WASHC3: variants seen among roughly 807,000 people sequenced by gnomAD.
WASHC3 encodes the protein WASH complex subunit 3, also known as WASH complex subunit CCDC53.
In WASHC3, 24 loss-of-function variants were observed where a neutral mutation model predicts 26.1. The observed-to-expected ratio is 0.92, with a 90% CI of 0.66 to 1.29. The LOEUF (loss-of-function observed/expected upper bound fraction) is 1.29. WASHC3 is among the 50% of genes most tolerant of loss of function. The pLI, the probability that WASHC3 is intolerant of heterozygous loss-of-function variation, is 0.00. For missense variants in WASHC3, 214 were observed against 229.6 expected (o/e 0.93, Z 0.44); for synonymous variants, 77 against 75.7 (o/e 1.02, Z -0.09).
At chr12:102,024,188 G>A (rs1463034324) in intron 6 of WASHC3, among the ~76,000 whole-genome samples, 1 of 152,220 alleles carries the variant, frequency 6.6e-6, no homozygotes, top group Non-Finnish European at 1.5e-5. Context: ...AAGCTAGTGA[G>A]AGAATCTGAA....
At chr12:102,014,824 T>C (rs549848912) in intron 6 of WASHC3, among the ~76,000 whole-genome samples, 103 of 152,328 alleles carry the variant, frequency 6.8e-4, no homozygotes, top group Admixed American at 6.6e-3. Context: ...GTATGAATAC[T>C]AGGCACATTT....
intron 2 of WASHC3, among the ~76,000 whole-genome samples, chr12:102,052,208 G>T (rs1311360424): frequency 6.6e-6 from 1 of 152,176 alleles, no homozygotes; most frequent in Non-Finnish European, 1.5e-5. Context: ...CAGTTTTACA[G>T]AACTCATGTC....
At chr12:102,014,229 C>T (rs1032260880) in intron 6 of WASHC3, among the ~76,000 whole-genome samples, 3 of 151,940 alleles carry the variant, frequency 2.0e-5, no homozygotes, top group South Asian at 2.1e-4. Context: ...TGTGCCACCA[C>T]GCCCAGCTAA....
intron 2 of WASHC3, among the ~76,000 whole-genome samples, chr12:102,057,610 T>C (rs530266833): frequency 2.6e-5 from 4 of 152,026 alleles, no homozygotes; most frequent in Admixed American, 2.0e-4. Context: ...TCAGTAGCAT[T>C]TCTATACACT....
At chr12:102,050,624 T>C in intron 2 of WASHC3, 1 of 451,614 alleles carries the variant, frequency 2.2e-6, no homozygotes, top group Non-Finnish European at 4.4e-6. Flanking sequence ...GCCTCGGTGA[T>C]ACAGCAAGAC....
intron 5 of WASHC3, 114 bp downstream of exon 5, chr12:102,039,753 CT>C: frequency 2.3e-6 from 1 of 427,418 alleles, no homozygotes; most frequent in Non-Finnish European, 4.4e-6. Context: ...GAATAGAAAA[CT>C]TGGTTACTTG....
At chr12:102,013,732 G>A (rs933244016) in intron 6 of WASHC3, among the ~76,000 whole-genome samples, 7 of 152,160 alleles carry the variant, frequency 4.6e-5, no homozygotes, top group African/African-American at 1.4e-4. Flanking sequence ...TTTGTTAAAC[G>A]TTTTCACTTA....
At chr12:102,056,024 C>T (rs1231692091) in intron 2 of WASHC3, among the ~76,000 whole-genome samples, 2 of 152,150 alleles carry the variant, frequency 1.3e-5, no homozygotes, top group South Asian at 2.1e-4. Flanking sequence ...TTTTAGGAGA[C>T]GTTAATTCTA....
chr12:102,054,962 A>G (rs1215215103), intron 2 of WASHC3, among the ~76,000 whole-genome samples: 1 of 152,198 alleles, frequency 6.6e-6, no homozygotes, highest in Admixed American at 6.5e-5. Context: ...AAAAAAGATG[A>G]AAGATCCAAA....
chr12:102,017,812 G>T (rs771098255), intron 6 of WASHC3: 14 of 432,542 alleles, frequency 3.2e-5, no homozygotes, highest in South Asian at 2.4e-4. Context: ...TTTTCTTATT[G>T]TAAAATACAG....
intron 2 of WASHC3, among the ~76,000 whole-genome samples, chr12:102,054,795 A>T (rs1409892851): frequency 2.6e-5 from 4 of 152,226 alleles, no homozygotes; most frequent in African/African-American, 9.6e-5. Flanking sequence ...AAATTAAATA[A>T]CATGCTCCTA....
At chr12:102,020,075 C>T (rs554667724) in intron 6 of WASHC3, among the ~76,000 whole-genome samples, 1 of 152,156 alleles carries the variant, frequency 6.6e-6, no homozygotes, top group South Asian at 2.1e-4. Flanking sequence ...GAGATGGATT[C>T]GAGGAAAGGC....
intron 5 of WASHC3, among the ~76,000 whole-genome samples, chr12:102,034,429 C>A (rs1877565803): frequency 6.6e-6 from 1 of 152,044 alleles, no homozygotes; most frequent in Non-Finnish European, 1.5e-5. Context: ...ATCTGCTCTT[C>A]CAGTTAAAAG....
rs1217183416 is a variant in WASHC3 at position 102,059,016 on chromosome 12, T to C, written c.150+2232A>G. ...AAAAAAGTACAACTCATAGAAATAT[T>C]GAGTAGAATGGTGGTTAGCAGGGGC... On this transcript the variant is annotated intron_variant, in intron 2 of 6. Transcript: ENST00000240079. Among the ~76,000 whole-genome samples, 5 of 152,190 alleles carry C rather than the reference T, an allele frequency of 3.3e-5. No individual in the cohort carries two copies. In the East Asian group the frequency reaches 9.6e-4, roughly 29 times the overall value.
At chr12:102,049,365 T>C (rs1305360960) in intron 2 of WASHC3, among the ~76,000 whole-genome samples, 1 of 152,168 alleles carries the variant, frequency 6.6e-6, no homozygotes, top group Non-Finnish European at 1.5e-5. Context: ...CCTCTGAAAG[T>C]TTTAGCAAGA....
intron 5 of WASHC3, 32 bp from the exon 6 acceptor site, chr12:102,026,070 T>C (rs779069873): frequency 8.1e-7 from 1 of 1,240,094 alleles, no homozygotes; most frequent in South Asian, 1.4e-5. Context: ...ATTTCATCAT[T>C]AAAAATGTCT....
intron 5 of WASHC3, among the ~76,000 whole-genome samples, chr12:102,026,505 T>G (rs1437968532): frequency 1.3e-5 from 2 of 152,202 alleles, no homozygotes; most frequent in Non-Finnish European, 2.9e-5. Flanking sequence ...TTGAACACTT[T>G]AGACACAAAA....
intron 3 of WASHC3, among the ~76,000 whole-genome samples, chr12:102,045,819 C>T (rs569077276): frequency 1.3e-5 from 2 of 152,338 alleles, no homozygotes; most frequent in South Asian, 2.1e-4. Context: ...TCGCATTATG[C>T]GTTTGCCTAG....
chr12:102,040,078 A>C, intron 4 of WASHC3, 100 bp from the exon 5 acceptor site: 1 of 485,614 alleles, frequency 2.1e-6, no homozygotes, highest in Non-Finnish European at 3.7e-6. Context: ...AAGGCAGTAA[A>C]TTGCAGAAAA....
Sources: gnomAD v4.1 joint callset for allele counts (sites outside exome capture counted in the v4.1 genomes callset) on GRCh38, gnomAD v4.1.1 for gene constraint, MANE v1.5 for transcripts, NCBI Gene and HGNC (gene_info 2026-07-23, HGNC 2026-07-21) for gene names.